The following ARHGAP6 variants were observed in gnomAD, a reference collection of about 807,000 sequenced individuals.
ARHGAP6 encodes the protein rho GTPase-activating protein 6.
A neutral mutation model predicts 55.7 loss-of-function variants in ARHGAP6; 16 were observed. The ratio of observed to expected loss-of-function variants is 0.29; its 90% CI spans 0.19 to 0.44. The LOEUF (loss-of-function observed/expected upper bound fraction) is 0.44. Among genes scored for constraint, ARHGAP6 ranks in the 20% least tolerant of loss-of-function variants. The probability of loss-of-function intolerance (pLI) is 1.00; values close to 1 mark genes in which losing one functional copy is unlikely to be tolerated. For synonymous variants in ARHGAP6, 382 were observed against 360.9 expected (o/e 1.06, Z -0.66); for missense variants, 698 against 808.9 (o/e 0.86, Z 1.66).
chrX:11,145,824 C>T (rs1221779670), intron 10 of ARHGAP6, among the ~76,000 whole-genome samples: 1 of 112,514 alleles, frequency 8.9e-6, no homozygotes, highest in African/African-American at 3.2e-5. Context: ...GAGTCACAGC[C>T]CTGAAAGTCA....
chrX:11,625,636 G>C (rs919710934), intron 1 of ARHGAP6, among the ~76,000 whole-genome samples: 2 of 111,458 alleles, frequency 1.8e-5, no homozygotes, highest in Non-Finnish European at 3.8e-5. Context: ...GACAAATATA[G>C]TTAACAGTAA....
chrX:11,145,215 T>C (rs1439527779), intron 10 of ARHGAP6: 1 of 112,494 alleles, frequency 8.9e-6, no homozygotes, highest in Non-Finnish European at 1.9e-5. Context: ...TTGCTCTCTT[T>C]TGGCTTAATT....
intron 1 of ARHGAP6, among the ~76,000 whole-genome samples, chrX:11,505,882 T>C (rs753582132): frequency 3.6e-5 from 4 of 110,459 alleles, no homozygotes; most frequent in South Asian, 7.8e-4. Context: ...AGAACAGACA[T>C]TGGGGCCTAC....
At chrX:11,458,284 T>C (rs1410294295) in intron 1 of ARHGAP6, among the ~76,000 whole-genome samples, 1 of 112,543 alleles carries the variant, frequency 8.9e-6, no homozygotes. Flanking sequence ...GGCCAGGGAA[T>C]GAGCTCATCC....
At chrX:11,209,445 A>G (rs2046756584) in intron 2 of ARHGAP6, among the ~76,000 whole-genome samples, 1 of 112,358 alleles carries the variant, frequency 8.9e-6, no homozygotes, top group Admixed American at 9.4e-5. Flanking sequence ...GTGCCCAGCC[A>G]CTTACATGAA....
At chrX:11,466,458 G>C (rs1603220859) in intron 1 of ARHGAP6, among the ~76,000 whole-genome samples, 1 of 108,996 alleles carries the variant, frequency 9.2e-6, no homozygotes, top group African/African-American at 3.3e-5. Flanking sequence ...CACCTCACTT[G>C]TTTTAAATTT....
rs140592472 is a variant in ARHGAP6, at chrX:11,510,480, G to A, written c.588+153761C>T. On this transcript the variant is annotated intron_variant, in intron 1 of 12. Transcript: ENST00000337414. ...CCAGCTTGAGGCCACAGATGCACTT[G>A]GATGATTGAGCTTGTACTCTTTTCC... Among the ~76,000 whole-genome samples the A allele has an allele frequency of 2.2e-3, 249 of 111,355 alleles. 2 individuals carry two copies. Among genetic ancestry groups the A allele is most frequent in the African/African-American group, 7.7e-3 (237 of 30,671 alleles).
intron 1 of ARHGAP6, chrX:11,298,817 G>A: frequency 1.7e-6 from 2 of 1,210,562 alleles, no homozygotes; most frequent in Non-Finnish European, 2.2e-6. Context: ...AGCCTCACCA[G>A]CCCATGCAGC....
At chrX:11,515,750 T>C (rs920172616) in intron 1 of ARHGAP6, among the ~76,000 whole-genome samples, 3 of 112,613 alleles carry the variant, frequency 2.7e-5, no homozygotes, top group Non-Finnish European at 5.6e-5. Context: ...ATGAAAGAAA[T>C]GTCCTTTTCA....
chrX:11,450,022 C>T (rs186178927), intron 1 of ARHGAP6, among the ~76,000 whole-genome samples: 8,913 of 110,842 alleles, frequency 0.08, 380 homozygotes, highest in East Asian at 0.18. Context: ...ATTCCACGAC[C>T]ATGGACACTC....
chrX:11,271,617 A>G (rs1333109506), intron 1 of ARHGAP6, among the ~76,000 whole-genome samples: 2 of 111,999 alleles, frequency 1.8e-5, no homozygotes, highest in African/African-American at 6.5e-5. Flanking sequence ...CTGTTGCCTA[A>G]AATGTGAGCT....
At chrX:11,586,788 T>C (rs1188096036) in intron 1 of ARHGAP6, among the ~76,000 whole-genome samples, 2 of 112,383 alleles carry the variant, frequency 1.8e-5, no homozygotes, top group African/African-American at 6.5e-5. Flanking sequence ...CGATATTGAT[T>C]CTTCATATCC....
Position 11,163,426 on chromosome X carries a change from A to G in ARHGAP6, c.1809+6079T>C, listed in dbSNP as rs1356496734. Reference sequence around the variant, plus strand: ...ATTTACTAAGTCACCACAATAAACCATTAAGGGCTTTTTGAAGAGCTATTC... The same window carrying G: ...ATTTACTAAGTCACCACAATAAACCGTTAAGGGCTTTTTGAAGAGCTATTC... On this transcript the variant is annotated intron_variant, in intron 9 of 12. Coordinates refer to ENST00000337414, the MANE Select transcript of ARHGAP6 (RefSeq NM_013427.3). Among the ~76,000 whole-genome samples the G allele has an allele frequency of 2.7e-5, 3 of 111,872 alleles. No homozygotes were observed. In the East Asian group the frequency reaches 8.4e-4, roughly 31 times the overall value.
chrX:11,589,304 A>T (rs1457737545), intron 1 of ARHGAP6, among the ~76,000 whole-genome samples: 2 of 109,232 alleles, frequency 1.8e-5, no homozygotes, highest in Non-Finnish European at 3.8e-5. Flanking sequence ...GGCCTCCCAA[A>T]GTGCTAGGAT....
intron 1 of ARHGAP6, among the ~76,000 whole-genome samples, chrX:11,292,847 GT>G (rs1299167875): frequency 8.9e-6 from 1 of 111,902 alleles, no homozygotes; most frequent in African/African-American, 3.3e-5. Context: ...CACCAGAGGG[GT>G]GATAAAGGAG....
chrX:11,361,670 A>G (rs1473767888), intron 1 of ARHGAP6, among the ~76,000 whole-genome samples: 1 of 111,060 alleles, frequency 9.0e-6, no homozygotes, highest in African/African-American at 3.3e-5. Flanking sequence ...TAATTAAACT[A>G]AAGAGCTTCT....
At position 11,621,098 on chromosome X, in the gene ARHGAP6, T is replaced by C. The variant is rs1347267194; in HGVS notation, c.588+43143A>G. 3.6e-5 allele frequency among the ~76,000 whole-genome samples: 4 copies of C among 110,607 alleles called. No homozygotes were observed. The Admixed American group carries it at 3.9e-4, about 11-fold the overall frequency. On this transcript the variant is annotated intron_variant, in intron 1 of 12. Coordinates refer to ENST00000337414, the MANE Select transcript of ARHGAP6 (RefSeq NM_013427.3). ...CCTGGGGACCCCGGTGGACATCAACTGAAAAATACCAGCCACAAAAAGAAG... is the reference window on the plus strand; with the variant it reads ...CCTGGGGACCCCGGTGGACATCAACCGAAAAATACCAGCCACAAAAAGAAG...
chrX:11,659,806 AAC>A (rs1186813414), intron 1 of ARHGAP6, among the ~76,000 whole-genome samples: 1 of 112,094 alleles, frequency 8.9e-6, no homozygotes, highest in Admixed American at 9.4e-5. Context: ...CTTCAGAAGG[AAC>A]ACAGTCAGGC....
intron 9 of ARHGAP6, among the ~76,000 whole-genome samples, chrX:11,160,382 G>A (rs766418978): frequency 1.8e-4 from 19 of 108,417 alleles, no homozygotes; most frequent in South Asian, 1.7e-3. Flanking sequence ...GCGTGAATCC[G>A]GGAGACGGAG....
Sources: allele counts gnomAD v4.1 joint callset (sites outside exome capture counted in the v4.1 genomes callset), GRCh38; gene constraint gnomAD v4.1.1; transcripts MANE v1.5; gene names NCBI Gene and HGNC (gene_info 2026-07-23, HGNC 2026-07-21).